SNAP91: variants seen among roughly 807,000 people sequenced by gnomAD.
The protein encoded by SNAP91 is clathrin coat assembly protein AP180.
Under a neutral mutation model 100.3 loss-of-function variants are expected in SNAP91, and 27 were observed. That is an observed-to-expected ratio of 0.27 (90% CI 0.20 to 0.37). The LOEUF is 0.37. SNAP91 is among the 10% of genes least tolerant of loss of function. The pLI, the probability that SNAP91 is intolerant of heterozygous loss-of-function variation, is 1.00. For synonymous variants in SNAP91, 404 were observed against 398.6 expected (o/e 1.01, Z -0.16); for missense variants, 986 against 1,123.7 (o/e 0.88, Z 1.75).
At chr6:83,660,059 A>G (rs567213744) in intron 5 of SNAP91, among the ~76,000 whole-genome samples, 2 of 152,322 alleles carry the variant, frequency 1.3e-5, no homozygotes, top group African/African-American at 4.8e-5. Flanking sequence ...GAAAATACCC[A>G]GATGATGTGG....
intron 9 of SNAP91, among the ~76,000 whole-genome samples, chr6:83,618,749 A>T (rs1409998507): frequency 6.6e-6 from 1 of 151,948 alleles, no homozygotes; most frequent in African/African-American, 2.4e-5. Flanking sequence ...TAAACTTTTC[A>T]TATTTATATT....
Position 83,601,318 on chromosome 6 carries a change from G to C in SNAP91, c.1277C>G (p.Thr426Ser). The C allele has an allele frequency of 6.2e-7, 1 of 1,613,622 alleles. No individual in the cohort carries two copies. Among genetic ancestry groups the C allele is most frequent in the Non-Finnish European group, 8.5e-7 (1 of 1,179,722 alleles). ...EIATASASAS[T>S]TTTVTAVTAE... is the part of the protein sequence containing the mutation. ...AGTGACAGCAGTAACAGTTGTAGTA[G>C]TGGAGGCAGAAGCTGAGGCAGTTGC... The change falls in exon 16 of 30, where the codon ACT becomes AGT. Residue 426 changes from threonine to serine, a missense_variant. By Grantham distance (58) the Thr-to-Ser change is moderately conservative. Around this residue, in one of 4 missense-constraint regions of SNAP91, gnomAD observed 575 missense variants for 579.9 expected, o/e 0.99. Coordinates refer to ENST00000369694, the MANE Select transcript of SNAP91 (RefSeq NM_001242792.2).
chr6:83,594,341 G>T (rs182384291), intron 17 of SNAP91, 33 bp downstream of exon 17: 6 of 1,497,054 alleles, frequency 4.0e-6, no homozygotes, highest in East Asian at 2.5e-5. Flanking sequence ...TAGGACAGAA[G>T]AATAACAGAC....
chr6:83,694,423 A>G (rs934691493), intron 2 of SNAP91, among the ~76,000 whole-genome samples: 4 of 152,186 alleles, frequency 2.6e-5, no homozygotes, highest in African/African-American at 9.7e-5. Context: ...CCATGATACG[A>G]GCAAAAAATT....
chr6:83,569,564 C>G (rs919142021), intron 26 of SNAP91, among the ~76,000 whole-genome samples: 5 of 152,114 alleles, frequency 3.3e-5, no homozygotes, highest in African/African-American at 1.2e-4. Flanking sequence ...AGTGCTTTTC[C>G]CTTGTTCCCT....
intron 22 of SNAP91, 78 bp from the exon 23 acceptor site, chr6:83,582,434 T>G: frequency 7.1e-7 from 1 of 1,402,806 alleles, no homozygotes; most frequent in Non-Finnish European, 9.5e-7. Flanking sequence ...TTTAAAAAGT[T>G]ATAGAAAACT....
At position 83,679,620 on chromosome 6, in the gene SNAP91, C is replaced by T. The variant is rs140374601; in HGVS notation, c.131-14039G>A. On this transcript the variant is annotated intron_variant, in intron 2 of 29. Coordinates refer to ENST00000369694, the MANE Select transcript of SNAP91 (RefSeq NM_001242792.2). The stretch of plus-strand genomic sequence containing the variant: ...CCAACCCGTTCCATTCTCTTCTATC[C>T]AACAGGTAGAAAAATGAATGAAGTT... Among the ~76,000 whole-genome samples the T allele has an allele frequency of 8.8e-3, 1,338 of 152,214 alleles. 78 individuals are homozygous for T. Among genetic ancestry groups the T allele is most frequent in the Admixed American group, 0.08 (1,225 of 15,270 alleles).
intron 2 of SNAP91, among the ~76,000 whole-genome samples, chr6:83,680,410 C>T (rs1423152235): frequency 6.6e-6 from 1 of 152,096 alleles, no homozygotes; most frequent in African/African-American, 2.4e-5. Context: ...CACATTCCAT[C>T]GAAAACTCAC....
chr6:83,660,598 A>G (rs2098521663), intron 5 of SNAP91, among the ~76,000 whole-genome samples: 1 of 152,220 alleles, frequency 6.6e-6, no homozygotes, highest in Non-Finnish European at 1.5e-5. Context: ...AATTATAGAT[A>G]AAATTCAAGT....
Position 83,593,279 on chromosome 6 carries a change from T to A in SNAP91, c.1697-20A>T. On this transcript the variant is annotated intron_variant, in intron 18 of 29. Coordinates refer to ENST00000369694, the MANE Select transcript of SNAP91 (RefSeq NM_001242792.2). ...ATAAATCTAAGACCAAGAACACACA[T>A]GCCTTTACTCAACTTGAACAATAAG... 6.3e-7 allele frequency: 1 copy of A among 1,575,136 alleles called. No individual in the cohort carries two copies. The highest frequency in any genetic ancestry group is 8.6e-7 in the Non-Finnish European group (1 of 1,159,352).
At chr6:83,613,442 G>A (rs577453930) in intron 11 of SNAP91, among the ~76,000 whole-genome samples, 18 of 152,306 alleles carry the variant, frequency 1.2e-4, no homozygotes, top group Non-Finnish European at 1.3e-4. Context: ...GTCAGGATGC[G>A]TGACCTCTGT....
At chr6:83,589,874 C>T (rs1281376530) in intron 22 of SNAP91, among the ~76,000 whole-genome samples, 1 of 152,172 alleles carries the variant, frequency 6.6e-6, no homozygotes, top group East Asian at 1.9e-4. Flanking sequence ...AATAAATGTT[C>T]CTCAGCTTGC....
chr6:83,642,342 C>T lies in SNAP91; in HGVS notation c.659-1140G>A, dbSNP rs956556662. Among the ~76,000 whole-genome samples, 11 of 152,248 alleles carry T rather than the reference C, an allele frequency of 7.2e-5. 1 individual carries two copies. Among genetic ancestry groups the T allele is most frequent in the Admixed American group, 7.2e-4 (11 of 15,298 alleles). On this transcript the variant is annotated intron_variant, in intron 7 of 29. Transcript: ENST00000369694. ...CTCCTAATGCTATCCCTCCCACCTC[C>T]CCTCACCCCACAACAGGCCCTGGTG...
chr6:83,586,146 G>A (rs1049848832), intron 22 of SNAP91, among the ~76,000 whole-genome samples: 5 of 152,058 alleles, frequency 3.3e-5, no homozygotes, highest in Admixed American at 1.3e-4. Flanking sequence ...CACCGTGCCC[G>A]GCCACAAGAG....
chr6:83,582,458 T>C lies in SNAP91; in HGVS notation c.2015-102A>G, dbSNP rs1829866497. ...TTATAGAAAACTGAAAAGGAATTAA[T>C]TGCATGTTGATTAGCAGTCAGTGAA... On this transcript the variant is annotated intron_variant, in intron 22 of 29. Transcript: ENST00000369694. 7.3e-6 allele frequency: 9 copies of C among 1,229,080 alleles called. No individual in the cohort carries two copies. The Admixed American group carries it at 1.1e-4, about 15-fold the overall frequency. The allele number at this position is 1,229,080 out of a possible 1,614,324, so 76.1% of individuals were successfully genotyped here. A position where few individuals can be genotyped will look rare whatever the true frequency, so the allele number is the denominator to read the frequency against.
intron 2 of SNAP91, among the ~76,000 whole-genome samples, chr6:83,675,497 T>C (rs929037092): frequency 6.6e-6 from 1 of 152,204 alleles, no homozygotes; most frequent in Non-Finnish European, 1.5e-5. Flanking sequence ...AAAATATATA[T>C]ACTTTGTAAT....
intron 8 of SNAP91, among the ~76,000 whole-genome samples, chr6:83,626,743 G>A (rs1197711131): frequency 6.6e-6 from 1 of 152,026 alleles, no homozygotes; most frequent in Non-Finnish European, 1.5e-5. Context: ...TTGTTTATCA[G>A]GTCTAGGAGT....
At chr6:83,643,458 A>C (rs1044029887) in intron 7 of SNAP91, among the ~76,000 whole-genome samples, 1 of 152,258 alleles carries the variant, frequency 6.6e-6, no homozygotes, top group East Asian at 1.9e-4. Context: ...TCCTTTTCCC[A>C]TTTCTTGTTT....
intron 8 of SNAP91, among the ~76,000 whole-genome samples, chr6:83,633,646 C>T (rs1280861056): frequency 2.0e-5 from 3 of 151,986 alleles, no homozygotes; most frequent in Non-Finnish European, 4.4e-5. Flanking sequence ...TGCAGGTTGT[C>T]AGGGAAGTGG....
Sources: allele counts gnomAD v4.1 joint callset (sites outside exome capture counted in the v4.1 genomes callset), GRCh38; gene constraint gnomAD v4.1.1; regional missense constraint gnomAD v4.1.1; transcripts MANE v1.5; gene names NCBI Gene and HGNC (gene_info 2026-07-23, HGNC 2026-07-21).